The following PCM1 variants were observed in gnomAD, a reference collection of about 807,000 sequenced individuals.
PCM1 encodes pericentriolar material 1, also known as pericentriolar material 1 protein.
Under a neutral mutation model 241.9 loss-of-function variants are expected in PCM1, and 157 were observed. The ratio of observed to expected loss-of-function variants is 0.65; its 90% CI spans 0.57 to 0.74. The LOEUF (loss-of-function observed/expected upper bound fraction) is 0.74, where lower values mean the gene tolerates loss of function less well. PCM1 is among the 30% of genes least tolerant of loss of function. The pLI is 0.00. For missense variants in PCM1, 3,478 were observed against 2,360.1 expected, an observed-to-expected ratio of 1.47 and a Z score of -9.81; for synonymous variants, 1,085 against 784.9, an observed-to-expected ratio of 1.38 and a Z score of -6.39.
At chr8:17,938,569 T>C (rs946607175) in intron 4 of PCM1, among the ~76,000 whole-genome samples, 171 bp from the exon 5 acceptor site, 25 of 152,178 alleles carry the variant, frequency 1.6e-4, no homozygotes, top group Admixed American at 1.4e-3. Context: ...AATTTTCATA[T>C]TGTAGTGAAA....
Position 18,011,284 on chromosome 8 carries a change from G to C in PCM1, c.5268G>C (p.Val1756=), listed in dbSNP as rs117200617. The C allele has an allele frequency of 2.5e-3, 4,059 of 1,606,864 alleles. 109 individuals carry two copies. The East Asian group carries it at 0.06, about 24-fold the overall frequency. The part of the protein sequence containing the change: ...ETVKQTQTSE[V]YDGPKNVRSD... ...TTAAGCAGACTCAAACATCTGAGGTGTATGATGGTCCCAAAAATGTAAGAT... is the reference window on the plus strand; with the variant it reads ...TTAAGCAGACTCAAACATCTGAGGTCTATGATGGTCCCAAAAATGTAAGAT... Residue 1756 remains valine (V), a synonymous_variant, in exon 33 of 39, where the codon GTG becomes GTC. Transcript: ENST00000325083.
chr8:17,966,536 G>T (rs1290232170), intron 20 of PCM1, 63 bp downstream of exon 20: 5 of 1,468,968 alleles, frequency 3.4e-6, no homozygotes, highest in East Asian at 4.6e-5. Context: ...AGGTTTTACA[G>T]TTAGCTTCTG....
At chr8:17,980,940 ACTATT>A (rs1159469907) in intron 24 of PCM1, among the ~76,000 whole-genome samples, 185 bp downstream of exon 24, 2 of 152,198 alleles carry the variant, frequency 1.3e-5, no homozygotes, top group Non-Finnish European at 2.9e-5. Flanking sequence ...TTTGTGTTAT[ACTATT>A]TAATAGTTTT....
intron 29 of PCM1, among the ~76,000 whole-genome samples, chr8:17,993,886 C>A: frequency 6.6e-6 from 1 of 151,944 alleles, no homozygotes; most frequent in African/African-American, 2.4e-5. Context: ...GATTTATCAC[C>A]TTTATTTTTA....
At chr8:18,009,802 C>A in intron 31 of PCM1, 58 bp downstream of exon 31, 2 of 1,061,120 alleles carry the variant, frequency 1.9e-6, no homozygotes, top group African/African-American at 3.2e-5. Context: ...AGTTCTTGAT[C>A]ATTATTATTA....
chr8:17,955,255 A>T (rs1157912547), intron 9 of PCM1, among the ~76,000 whole-genome samples: 7 of 152,116 alleles, frequency 4.6e-5, no homozygotes, highest in African/African-American at 1.4e-4. Context: ...TGTAAAGGTG[A>T]TAGAACCTGT....
chr8:18,011,877 C>G, intron 34 of PCM1, 50 bp downstream of exon 34: 1 of 1,476,692 alleles, frequency 6.8e-7, no homozygotes, highest in South Asian at 1.2e-5. Flanking sequence ...TTTAACTAAT[C>G]AAACTTCCAT....
intron 2 of PCM1, among the ~76,000 whole-genome samples, chr8:17,932,099 T>C (rs2059205646): frequency 6.6e-6 from 1 of 152,174 alleles, no homozygotes; most frequent in South Asian, 2.1e-4. Flanking sequence ...CAGGTTATAT[T>C]GTCCAGGCTT....
chr8:17,960,559 C>G (rs1014656932), intron 15 of PCM1, 115 bp downstream of exon 15: 19 of 481,220 alleles, frequency 3.9e-5, no homozygotes, highest in African/African-American at 2.1e-4. Flanking sequence ...GAGTCTCACT[C>G]TGTTGCCCAG....
intron 36 of PCM1, among the ~76,000 whole-genome samples, chr8:18,016,115 C>T (rs1318230309): frequency 6.6e-6 from 1 of 152,094 alleles, no homozygotes; most frequent in Non-Finnish European, 1.5e-5. Flanking sequence ...ATCTCGATCT[C>T]CTGACATTGT....
Position 18,029,283 on chromosome 8 carries a change from G to C in PCM1, c.*1621G>C, listed in dbSNP as rs553086957. The C allele has an allele frequency of 7.8e-4, 156 of 199,620 alleles. No homozygotes were observed. The highest frequency in any genetic ancestry group is 1.2e-3 in the Non-Finnish European group (118 of 97,038). The allele number at this position is 199,620 out of a possible 1,614,324, so 12.4% of individuals were successfully genotyped here. ...CTGTATTGCTACTTAAATTATGGAAGACAATATATCTTCAACTTTAATAAA... is the reference window on the plus strand; with the variant it reads ...CTGTATTGCTACTTAAATTATGGAACACAATATATCTTCAACTTTAATAAA... On this transcript the variant is annotated 3_prime_UTR_variant, in exon 39 of 39. Transcript: ENST00000325083.
At chr8:17,953,260 A>T in intron 9 of PCM1, 74 bp downstream of exon 9, 7 of 703,934 alleles carry the variant, frequency 9.9e-6, no homozygotes, top group Non-Finnish European at 1.6e-5. Context: ...TAAATTTAGT[A>T]TTTGGTGAAT....
chr8:17,934,475 G>A (rs1047237917), intron 2 of PCM1, among the ~76,000 whole-genome samples: 3 of 152,002 alleles, frequency 2.0e-5, no homozygotes, highest in Non-Finnish European at 4.4e-5. Flanking sequence ...TGGCCAGGCT[G>A]GTCTTGAACT....
Position 18,008,500 on chromosome 8 carries a change from C to A in PCM1, c.4963-1047C>A, listed in dbSNP as rs1308943695. 2.6e-5 allele frequency among the ~76,000 whole-genome samples: 4 copies of A among 152,068 alleles called. No individual in the cohort carries two copies. In the East Asian group the frequency reaches 7.7e-4, roughly 29 times the overall value. ...TGTGCTTGAATCATTCCGAAACCTT[C>A]CCCCAAGCTATGGTTGGGGGAAAAG... is the stretch of plus-strand genomic sequence containing the variant. On this transcript the variant is annotated intron_variant, in intron 30 of 38. Coordinates refer to ENST00000325083, the MANE Select transcript of PCM1 (RefSeq NM_006197.4).
intron 15 of PCM1, among the ~76,000 whole-genome samples, chr8:17,960,669 C>T (rs2071371590): frequency 1.3e-5 from 2 of 151,572 alleles, no homozygotes; most frequent in Non-Finnish European, 2.9e-5. Context: ...GGACTTCAGG[C>T]ACCCGCCACC....
At position 17,947,221 on chromosome 8, in the gene PCM1, A is replaced by G. The variant is rs371631617; in HGVS notation, c.819A>G (p.Ile273Met). Residue 273 changes from isoleucine to methionine, a missense_variant, in exon 7 of 39, where the codon ATA (isoleucine) becomes ATG (methionine). By Grantham distance (10) the Ile-to-Met change is conservative. Coordinates refer to ENST00000325083, the MANE Select transcript of PCM1 (RefSeq NM_006197.4). ...RDPQQEPMEE[I>M]ENLKKQHDLL... ...CTCAGCAGGAGCCTATGGAAGAGAT[A>G]GAAAATTTGAAGAAACAACATGATT... The G allele has an allele frequency of 5.0e-6, 8 of 1,610,390 alleles. No individual in the cohort carries two copies. In the African/African-American group the frequency reaches 1.1e-4, roughly 22 times the overall value.
rs771684191 is a variant in PCM1, at chr8:17,939,728, C to G, written c.650C>G (p.Thr217Ser). 3 of 1,552,620 alleles carry G rather than the reference C, an allele frequency of 1.9e-6. No individual in the cohort carries two copies. The highest frequency in any genetic ancestry group is 2.0e-5 in the Admixed American group (1 of 51,176). Residue 217 changes from threonine to serine, a missense_variant, in exon 6 of 39, where the codon ACT becomes AGT. Transcript: ENST00000325083. ...SRLVQIRDYI[T>S]KASSMREDLV... ...CTTGTTCAAATTCGCGATTATATTACTAAAGCTAGTTCCATGCGGGAAGAT... is the reference window on the plus strand; with the variant it reads ...CTTGTTCAAATTCGCGATTATATTAGTAAAGCTAGTTCCATGCGGGAAGAT...
At chr8:18,025,726 T>C in intron 38 of PCM1, 68 bp downstream of exon 38, 1 of 909,994 alleles carries the variant, frequency 1.1e-6, no homozygotes, top group South Asian at 1.6e-5. Context: ...CTATTGTGTT[T>C]TATTTTTTAA....
At chr8:17,987,466 G>A (rs1198022366) in intron 26 of PCM1, among the ~76,000 whole-genome samples, 2 of 151,762 alleles carry the variant, frequency 1.3e-5, no homozygotes, top group African/African-American at 2.4e-5. Flanking sequence ...TTGCACCATC[G>A]ATAGCACATT....
Sources: gnomAD v4.1 joint callset for allele counts (sites outside exome capture counted in the v4.1 genomes callset) on GRCh38, gnomAD v4.1.1 for gene constraint, MANE v1.5 for transcripts, NCBI Gene and HGNC (gene_info 2026-07-23, HGNC 2026-07-21) for gene names.